Variants in C2orf72 observed in about 807,000 individuals in gnomAD.
The protein encoded by C2orf72 is chromosome 2 open reading frame 72.
A neutral mutation model predicts 14.4 loss-of-function variants in C2orf72; 16 were observed. The ratio of observed to expected loss-of-function variants is 1.11; its 90% CI spans 0.75 to 1.69. The LOEUF (loss-of-function observed/expected upper bound fraction) is 1.69. Among genes scored for constraint, C2orf72 ranks in the 40% most tolerant of loss-of-function variants. The pLI is 0.00. For missense variants in C2orf72, 371 were observed against 358.3 expected, an observed-to-expected ratio of 1.04 and a Z score of -0.29; for synonymous variants, 168 against 176.8, an observed-to-expected ratio of 0.95 and a Z score of 0.40.
Position 231,037,935 on chromosome 2 carries a change from C to A in C2orf72, c.370C>A (p.Arg124Ser). 1 of 1,030,964 alleles carries A rather than the reference C, an allele frequency of 9.7e-7. No individual in the cohort carries two copies. Among genetic ancestry groups the A allele is most frequent in the East Asian group, 1.0e-4 (1 of 9,910 alleles). The allele number at this position is 1,030,964 out of a possible 1,614,324, so 63.9% of individuals were successfully genotyped here. Residue 124 changes from arginine to serine, a missense_variant, in exon 1 of 3, where the codon CGC (arginine) becomes AGC (serine). Coordinates refer to ENST00000373640, the MANE Select transcript of C2orf72 (RefSeq NM_001144994.2). ...SSLAAREPRRRLREMLRDVRG... is the reference protein window; with the variant it reads ...SSLAAREPRRSLREMLRDVRG... ...GCTGGCCGCCCGGGAGCCGCGGCGC[C>A]GCCTGCGGGAGATGCTGCGGGACGT...
Position 231,048,043 on chromosome 2 carries a change from C to T in C2orf72, c.*1022C>T, listed in dbSNP as rs908405602. The T allele has an allele frequency of 6.6e-6, 1 of 152,274 alleles. No individual in the cohort carries two copies. Among genetic ancestry groups the T allele is most frequent in the African/African-American group, 2.4e-5 (1 of 41,472 alleles). 9.4% of individuals were successfully genotyped at this position (152,274 alleles called of 1,614,324 possible). A position where few individuals can be genotyped will look rare whatever the true frequency, so the allele number is the denominator to read the frequency against. On this transcript the variant is annotated 3_prime_UTR_variant, in exon 3 of 3. Transcript: ENST00000373640. ...TCTAGCTCTCAGGTCCTAGCCCAAG[C>T]TCAATGCAAACACAGCCCCTCCGGG...
At chr2:231,045,453 A>C (rs1693403678) in intron 2 of C2orf72, among the ~76,000 whole-genome samples, 1 of 151,816 alleles carries the variant, frequency 6.6e-6, no homozygotes, top group Non-Finnish European at 1.5e-5. Context: ...TTGCACTGCA[A>C]CATCAGGACA....
In C2orf72 at chr2:231,041,393, C is replaced by A; in HGVS notation, c.732C>A (p.Cys244Ter). 1 of 1,551,244 alleles carries A rather than the reference C, an allele frequency of 6.4e-7. No homozygotes were observed. Among genetic ancestry groups the A allele is most frequent in the Non-Finnish European group, 8.7e-7 (1 of 1,146,794 alleles). Residue 244 changes from cysteine (C) to a stop codon, truncating the protein, a stop_gained, in exon 2 of 3, where the codon TGC (cysteine) becomes TGA (stop). Transcript: ENST00000373640. LOFTEE classifies it low-confidence loss of function (END_TRUNC). The stretch of plus-strand genomic sequence containing the variant: ...GGAAGAACCAGGATGTTGCTGCCTG[C>A]AGAAGCTCAGCTCAGGGTGAGTGCT... The part of the protein sequence containing the change: ...SRRKNQDVAA[C>*]RSSAQEDFQE...
In C2orf72 at chr2:231,047,834, T is replaced by TGC. The variant is rs1181375211; in HGVS notation, c.*815_*816dup. ...TTGTCGGGCCAGGGCCAAGACGGTC[T>TGC]GCGTGCTGCAGGGCCAGGACAGAAA... On this transcript the variant is annotated 3_prime_UTR_variant, in exon 3 of 3. Transcript: ENST00000373640. 3 of 152,882 alleles carry TGC rather than the reference T, an allele frequency of 2.0e-5. No individual in the cohort carries two copies. The highest frequency in any genetic ancestry group is 2.9e-5 in the Non-Finnish European group (2 of 68,564). 9.5% of individuals were successfully genotyped at this position (152,882 alleles called of 1,614,324 possible).
intron 2 of C2orf72, among the ~76,000 whole-genome samples, chr2:231,042,313 A>G (rs1402091530): frequency 1.3e-5 from 2 of 152,190 alleles, no homozygotes; most frequent in Non-Finnish European, 2.9e-5. Flanking sequence ...GTGGATGCCT[A>G]AAACCATGGG....
In C2orf72 at chr2:231,047,061, ACTG is replaced by A; in HGVS notation, c.*41_*43del. The A allele has an allele frequency of 6.4e-7, 1 of 1,551,138 alleles. No homozygotes were observed. Among genetic ancestry groups the A allele is most frequent in the Non-Finnish European group, 8.7e-7 (1 of 1,146,606 alleles). ...CGCTGTCCCTGGCTCTAACCTACAG[ACTG>A]GGGCCTGGCTCCGTCTTACTGGCCC... On this transcript the variant is annotated 3_prime_UTR_variant, in exon 3 of 3. Transcript: ENST00000373640.
rs1341157251 is a variant in C2orf72 at position 231,037,722 on chromosome 2, G to T, written c.157G>T (p.Ala53Ser). The T allele has an allele frequency of 3.0e-5, 30 of 1,015,738 alleles. No individual in the cohort carries two copies. The highest frequency in any genetic ancestry group is 3.5e-5 in the Non-Finnish European group (30 of 851,674). 62.9% of individuals were successfully genotyped at this position (1,015,738 alleles called of 1,614,324 possible). A position where few individuals can be genotyped will look rare whatever the true frequency, so the allele number is the denominator to read the frequency against. ...GAGCCGCGCGCTGCTGCGGGACTTC[G>T]CACGGGCGGTGTTCCCGCCGGAGCC... ...EQSRALLRDF[A>S]RAVFPPEPGA... Residue 53 changes from alanine to serine, a missense_variant, in exon 1 of 3, where the codon GCA becomes TCA. Physicochemically the swap from Ala to Ser is moderately conservative, Grantham distance 99. Transcript: ENST00000373640.
rs907884507 is a variant in C2orf72 at position 231,049,084 on chromosome 2, T to G, written c.*2063T>G. ...TCTGGGTGGAGGATGGGGCATGCTG[T>G]CATCTCAAGTCTGCTGCGGCTCACC... On this transcript the variant is annotated 3_prime_UTR_variant, in exon 3 of 3. Coordinates refer to ENST00000373640, the MANE Select transcript of C2orf72 (RefSeq NM_001144994.2). 1 of 152,078 alleles carries G rather than the reference T, an allele frequency of 6.6e-6. No homozygotes were observed. Among genetic ancestry groups the G allele is most frequent in the African/African-American group, 2.4e-5 (1 of 41,380 alleles). The allele number at this position is 152,078 out of a possible 1,614,324, so 9.4% of individuals were successfully genotyped here.
chr2:231,043,628 T>C (rs1365873306), intron 2 of C2orf72, among the ~76,000 whole-genome samples: 1 of 152,242 alleles, frequency 6.6e-6, no homozygotes, highest in African/African-American at 2.4e-5. Flanking sequence ...ATTTTGGATA[T>C]ACTTGGAAAC....
In C2orf72 at chr2:231,037,789, G is replaced by C; in HGVS notation, c.224G>C (p.Gly75Ala). Residue 75 changes from glycine (G) to alanine (A), a missense_variant, in exon 1 of 3, where the codon GGG becomes GCG. Physicochemically the swap from Gly to Ala is moderately conservative, Grantham distance 60 (BLOSUM62 0). Around this residue, in one of 3 missense-constraint regions of C2orf72, gnomAD observed 214 missense variants for 178.7 expected, o/e 1.20. Transcript: ENST00000373640. Reference protein sequence around the residue: ...KPGGAAAEGAGPGAARGAQRA... With the variant: ...KPGGAAAEGAAPGAARGAQRA... ...GGCGGCGCGGCGGCAGAGGGCGCGG[G>C]GCCCGGGGCGGCGCGCGGGGCGCAG... 1.0e-6 allele frequency: 1 copy of C among 983,544 alleles called. No individual in the cohort carries two copies. The highest frequency in any genetic ancestry group is 1.2e-6 in the Non-Finnish European group (1 of 830,060). 60.9% of individuals were successfully genotyped at this position (983,544 alleles called of 1,614,324 possible).
chr2:231,040,003 A>G (rs1023935703), intron 1 of C2orf72, among the ~76,000 whole-genome samples: 4 of 152,040 alleles, frequency 2.6e-5, no homozygotes, highest in Non-Finnish European at 5.9e-5. Flanking sequence ...TTGGCCTCCC[A>G]AAGTGCTGGG....
rs1042394092 is a variant in C2orf72, at chr2:231,049,441, C to G, written c.*2420C>G. On this transcript the variant is annotated 3_prime_UTR_variant, in exon 3 of 3. Transcript: ENST00000373640. ...TCTAGCAGACAGAAGAGTTAGGTGCCAGAAAGGACAATCTTGATGGTGGGT... is the reference window on the plus strand; with the variant it reads ...TCTAGCAGACAGAAGAGTTAGGTGCGAGAAAGGACAATCTTGATGGTGGGT... The G allele has an allele frequency of 6.6e-6, 1 of 152,118 alleles. No individual in the cohort carries two copies. Among genetic ancestry groups the G allele is most frequent in the African/African-American group, 2.4e-5 (1 of 41,402 alleles). The allele number at this position is 152,118 out of a possible 1,614,324, so 9.4% of individuals were successfully genotyped here.
In C2orf72 at chr2:231,037,969, G is replaced by C; in HGVS notation, c.404G>C (p.Arg135Pro). 2.0e-6 allele frequency: 2 copies of C among 1,022,644 alleles called. No individual in the cohort carries two copies. The highest frequency in any genetic ancestry group is 9.8e-5 in the East Asian group (1 of 10,192). 63.3% of individuals were successfully genotyped at this position (1,022,644 alleles called of 1,614,324 possible). The change falls in exon 1 of 3, where the codon CGG becomes CCG. Residue 135 changes from arginine to proline, a missense_variant. Around this residue, in one of 3 missense-constraint regions of C2orf72, gnomAD observed 214 missense variants for 178.7 expected, o/e 1.20. Transcript: ENST00000373640. ...LREMLRDVRG[R>P]RRAGAALVGV... is the part of the protein sequence containing the mutation. ...GAGATGCTGCGGGACGTGCGCGGCC[G>C]GCGGCGGGCCGGGGCGGCGCTGGTC...
chr2:231,038,233 G>A, intron 1 of C2orf72, 34 bp downstream of exon 1: 4 of 1,178,324 alleles, frequency 3.4e-6, no homozygotes, highest in Non-Finnish European at 4.2e-6. Context: ...GGGCGCGGGC[G>A]GGCGGTGGCT....
intron 2 of C2orf72, among the ~76,000 whole-genome samples, chr2:231,044,777 C>G (rs1693389527): frequency 6.9e-6 from 1 of 145,428 alleles, no homozygotes; most frequent in South Asian, 2.2e-4. Context: ...GCTTCCACAT[C>G]TTGTCCCACT....
rs1693267634 is a variant in C2orf72 at position 231,037,534 on chromosome 2, G to A, written c.-32G>A. On this transcript the variant is annotated 5_prime_UTR_variant, in exon 1 of 3. Coordinates refer to ENST00000373640, the MANE Select transcript of C2orf72 (RefSeq NM_001144994.2). ...GGCGGGCAGCGGGTGCGCCCGGGCC[G>A]CGGCGGCCGCAGAGGGCGGGCGGCG... 1.0e-6 allele frequency: 1 copy of A among 999,082 alleles called. No homozygotes were observed. Among genetic ancestry groups the A allele is most frequent in the African/African-American group, 1.8e-5 (1 of 57,062 alleles). 61.9% of individuals were successfully genotyped at this position (999,082 alleles called of 1,614,324 possible).
intron 2 of C2orf72, among the ~76,000 whole-genome samples, chr2:231,043,194 G>C (rs1693366825): frequency 1.3e-5 from 2 of 152,160 alleles, no homozygotes; most frequent in Admixed American, 6.5e-5. Context: ...TCTCCAGTCT[G>C]CTAGGAGGGA....
At chr2:231,042,848 T>G (rs545791298) in intron 2 of C2orf72, among the ~76,000 whole-genome samples, 15 of 152,186 alleles carry the variant, frequency 9.9e-5, no homozygotes, top group Non-Finnish European at 2.1e-4. Context: ...CTACTAAAAA[T>G]ACAAAATTAG....
rs1281882523 is a variant in C2orf72, at chr2:231,048,428, A to G, written c.*1407A>G. 1 of 152,414 alleles carries G rather than the reference A, an allele frequency of 6.6e-6. No homozygotes were observed. Among genetic ancestry groups the G allele is most frequent in the Non-Finnish European group, 1.5e-5 (1 of 68,214 alleles). The allele number at this position is 152,414 out of a possible 1,614,324, so 9.4% of individuals were successfully genotyped here. Reference sequence around the variant, plus strand: ...TCTCCAGGATAGTGCCAAATGGTGCAATGGGAAACCTGTTTTGCTGGGGGG... The same window carrying G: ...TCTCCAGGATAGTGCCAAATGGTGCGATGGGAAACCTGTTTTGCTGGGGGG... On this transcript the variant is annotated 3_prime_UTR_variant, in exon 3 of 3. Coordinates refer to ENST00000373640, the MANE Select transcript of C2orf72 (RefSeq NM_001144994.2).
Sources: allele counts gnomAD v4.1 joint callset (sites outside exome capture counted in the v4.1 genomes callset), GRCh38; gene constraint gnomAD v4.1.1; regional missense constraint gnomAD v4.1.1; transcripts MANE v1.5; gene names NCBI Gene and HGNC (gene_info 2026-07-23, HGNC 2026-07-21).